TP63: variants seen among roughly 807,000 people sequenced by gnomAD.
The protein encoded by TP63 is tumor protein 63.
A neutral mutation model predicts 82.8 loss-of-function variants in TP63; 17 were observed. That is an observed-to-expected ratio of 0.21 (90% CI 0.14 to 0.31). The LOEUF (loss-of-function observed/expected upper bound fraction) is 0.31. Ranked by LOEUF, TP63 falls within the 10% of genes least tolerant of loss-of-function variation. TP63 has a pLI of 1.00. For synonymous variants in TP63, 330 were observed against 321.7 expected (o/e 1.03, Z -0.28); for missense variants, 648 against 895.3 (o/e 0.72, Z 3.52).
intron 10 of TP63, among the ~76,000 whole-genome samples, chr3:189,884,044 T>G (rs935337821): frequency 1.3e-5 from 2 of 152,214 alleles, no homozygotes; most frequent in South Asian, 4.1e-4. Flanking sequence ...TTTGACTGGT[T>G]TGAGGAGGGA....
chr3:189,615,801 T>G, the TP63 span, among the ~76,000 whole-genome samples: 16 of 152,304 alleles, frequency 1.1e-4, no homozygotes, highest in South Asian at 3.1e-3. Flanking sequence ...CTCCACACTT[T>G]AGGAAGATTT....
chr3:189,764,070 A>G (rs138359126), intron 3 of TP63, among the ~76,000 whole-genome samples: 1 of 152,298 alleles, frequency 6.6e-6, no homozygotes, highest in Non-Finnish European at 1.5e-5. Flanking sequence ...GTGCATGCAT[A>G]TGACCTCAAA....
At position 189,872,957 on chromosome 3, in the gene TP63, A is replaced by G; in HGVS notation, c.1311A>G (p.Gln437=). The G allele has an allele frequency of 1.2e-6, 2 of 1,614,190 alleles. No homozygotes were observed. Among genetic ancestry groups the G allele is most frequent in the Non-Finnish European group, 1.7e-6 (2 of 1,180,024 alleles). ...AGCACACAATTGAAACGTACAGGCA[A>G]CAGCAACAGCAGCAGCACCAGCACT... The part of the protein sequence containing the change: ...LPQHTIETYR[Q]QQQQQHQHLL... The change falls in exon 10 of 14, where the codon CAA becomes CAG. Residue 437 remains glutamine (Q), a synonymous_variant. Coordinates refer to ENST00000264731, the MANE Select transcript of TP63 (RefSeq NM_003722.5).
intron 4 of TP63, among the ~76,000 whole-genome samples, chr3:189,822,693 C>T (rs142574219): frequency 2.1e-3 from 320 of 152,176 alleles, no homozygotes; most frequent in Non-Finnish European, 4.0e-3. Context: ...TGGGAAAGAG[C>T]ATTGTTTATT....
At chr3:189,850,332 G>A (rs951682832) in intron 4 of TP63, among the ~76,000 whole-genome samples, 1 of 151,782 alleles carries the variant, frequency 6.6e-6, no homozygotes, top group Non-Finnish European at 1.5e-5. Flanking sequence ...TATTTCTAAC[G>A]TAAAAAAAGT....
intron 3 of TP63, among the ~76,000 whole-genome samples, chr3:189,778,264 G>A (rs914385938): frequency 6.6e-6 from 1 of 152,140 alleles, no homozygotes; most frequent in African/African-American, 2.4e-5. Context: ...GGTGTATGTG[G>A]GAGAAATAAA....
At chr3:189,671,452 G>A (rs535211405) in intron 1 of TP63, among the ~76,000 whole-genome samples, 1 of 152,040 alleles carries the variant, frequency 6.6e-6, no homozygotes, top group South Asian at 2.1e-4. Flanking sequence ...AGATAAATTA[G>A]TACAGCCATT....
chr3:189,731,045 A>G (rs1471452333), intron 1 of TP63, among the ~76,000 whole-genome samples: 3 of 149,802 alleles, frequency 2.0e-5, no homozygotes, highest in Admixed American at 1.3e-4. Context: ...TTATTGGACT[A>G]TAGATAAAGA....
Position 189,887,856 on chromosome 3 carries a change from GT to G in TP63, c.1507+1323del, listed in dbSNP as rs397874442. ...CTAATGGCACACATTCATTGTTTTG[GT>G]TTTTTTTTTTTTTTTTTAGACAGAG... On this transcript the variant is annotated intron_variant, in intron 11 of 13. Coordinates refer to ENST00000264731, the MANE Select transcript of TP63 (RefSeq NM_003722.5). 1.2e-3 allele frequency among the ~76,000 whole-genome samples: 147 copies of G among 125,620 alleles called. 2 individuals carry two copies. The highest frequency in any genetic ancestry group is 3.4e-3 in the African/African-American group (117 of 34,282). The allele number at this position is 125,620 out of a possible 152,430, so 82.4% of individuals were successfully genotyped here. A position where few individuals can be genotyped will look rare whatever the true frequency, so the allele number is the denominator to read the frequency against.
chr3:189,729,792 G>A (rs1720029184), intron 1 of TP63, among the ~76,000 whole-genome samples: 1 of 151,990 alleles, frequency 6.6e-6, no homozygotes, highest in South Asian at 2.1e-4. Context: ...AGTGAGTTTT[G>A]GAGGCAAATT....
intron 3 of TP63, among the ~76,000 whole-genome samples, chr3:189,763,773 C>T (rs1010818590): frequency 2.0e-5 from 3 of 152,192 alleles, no homozygotes; most frequent in South Asian, 2.1e-4. Context: ...CTTGACTCAT[C>T]GGAAGTATTT....
At position 189,784,973 on chromosome 3, in the gene TP63, A is replaced by T. The variant is rs540714071; in HGVS notation, c.325-23299A>T. 2.2e-3 allele frequency among the ~76,000 whole-genome samples: 340 copies of T among 152,118 alleles called. 1 individual carries two copies. The highest frequency in any genetic ancestry group is 3.9e-3 in the Non-Finnish European group (268 of 67,962). ...CTTAATGGTAGCTGATACCAAAAAG[A>T]TCTCATTGGTTTTGTTCTGCAGCAG... On this transcript the variant is annotated intron_variant, in intron 3 of 13. Coordinates refer to ENST00000264731, the MANE Select transcript of TP63 (RefSeq NM_003722.5).
intron 4 of TP63, 112 bp downstream of exon 4, chr3:189,808,638 A>G: frequency 6.3e-7 from 1 of 1,583,746 alleles, no homozygotes; most frequent in Non-Finnish European, 8.6e-7. Flanking sequence ...TTCATGGTGG[A>G]AAATTTGTCT....
At chr3:189,610,876 A>T in the TP63 span, among the ~76,000 whole-genome samples, 3 of 152,154 alleles carry the variant, frequency 2.0e-5, no homozygotes, top group African/African-American at 7.2e-5. Context: ...GAAGGCAAGG[A>T]GGAGCAATTA....
chr3:189,848,487 G>A (rs944860716), intron 4 of TP63, among the ~76,000 whole-genome samples: 1 of 151,946 alleles, frequency 6.6e-6, no homozygotes, highest in Admixed American at 6.6e-5. Context: ...CCAAAATGCT[G>A]GGATGACAGG....
At chr3:189,826,419 G>T (rs1288895393) in intron 4 of TP63, among the ~76,000 whole-genome samples, 2 of 152,182 alleles carry the variant, frequency 1.3e-5, no homozygotes, top group Non-Finnish European at 2.9e-5. Flanking sequence ...TCTAGGAAGG[G>T]ATACTGTGTA....
chr3:189,830,610 A>AT (rs1712176969), intron 4 of TP63, among the ~76,000 whole-genome samples: 2 of 152,118 alleles, frequency 1.3e-5, no homozygotes, highest in South Asian at 4.1e-4. Context: ...CATAACACGC[A>AT]ATTTTGTTGC....
Position 189,668,887 on chromosome 3 carries a change from C to T in TP63, c.62+37310C>T, listed in dbSNP as rs6767353. ...ATAAGTAAATAATAACTGAGATTTC[C>T]CCCAGATTTCATGAAAAACATTTAT... On this transcript the variant is annotated intron_variant, in intron 1 of 13. Coordinates refer to ENST00000264731, the MANE Select transcript of TP63 (RefSeq NM_003722.5). 1.5e-3 allele frequency among the ~76,000 whole-genome samples: 231 copies of T among 151,810 alleles called. 1 individual carries two copies. The highest frequency in any genetic ancestry group is 5.5e-3 in the African/African-American group (226 of 41,410).
At chr3:189,673,285 C>G (rs1021440298) in intron 1 of TP63, among the ~76,000 whole-genome samples, 5 of 152,070 alleles carry the variant, frequency 3.3e-5, no homozygotes, top group Admixed American at 2.6e-4. Context: ...AAAAAACCTC[C>G]AGCTAACATT....
Sources: allele counts gnomAD v4.1 joint callset (sites outside exome capture counted in the v4.1 genomes callset), GRCh38; gene constraint gnomAD v4.1.1; transcripts MANE v1.5; gene names NCBI Gene and HGNC (gene_info 2026-07-23, HGNC 2026-07-21).